Variants in SCN3A observed in about 807,000 individuals in gnomAD.
SCN3A encodes sodium channel protein type 3 subunit alpha.
SCN3A carries 60 observed loss-of-function variants against 187.6 expected under a neutral mutation model. The observed-to-expected ratio is 0.32, with a 90% CI of 0.26 to 0.40. The LOEUF (loss-of-function observed/expected upper bound fraction) is 0.40. Ranked by LOEUF, SCN3A falls within the 10% of genes least tolerant of loss-of-function variation. SCN3A has a pLI of 1.00. For synonymous variants in SCN3A, 788 were observed against 829.2 expected (o/e 0.95, Z 0.85); for missense variants, 1,601 against 2,428.2 (o/e 0.66, Z 7.16).
chr2:165,112,355 T>C (rs1686162985), intron 21 of SCN3A, among the ~76,000 whole-genome samples: 1 of 152,214 alleles, frequency 6.6e-6, no homozygotes, highest in African/African-American at 2.4e-5. Flanking sequence ...ATCTAACTAC[T>C]GATTTAAAAA....
At chr2:165,139,851 A>G in intron 13 of SCN3A, 1 of 488,064 alleles carries the variant, frequency 2.0e-6, no homozygotes, top group Non-Finnish European at 3.7e-6. Flanking sequence ...TATATTACAG[A>G]ACTATTTTAA....
intron 21 of SCN3A, among the ~76,000 whole-genome samples, chr2:165,106,826 C>T (rs75164336): frequency 6.6e-5 from 10 of 152,198 alleles, no homozygotes; most frequent in African/African-American, 9.6e-5. Flanking sequence ...GTAGGTCTTC[C>T]GAAAACATTT....
intron 9 of SCN3A, among the ~76,000 whole-genome samples, chr2:165,160,482 G>T (rs1689294463): frequency 6.6e-6 from 1 of 151,868 alleles, no homozygotes. Flanking sequence ...TTCATTAAGG[G>T]GAATAGATTA....
At chr2:165,158,194 A>ACTGATTCTACATTATGGTGAC (rs1257061176) in intron 9 of SCN3A, among the ~76,000 whole-genome samples, 5 of 93,424 alleles carry the variant, frequency 5.4e-5, no homozygotes, top group South Asian at 3.2e-4. Context: ...TGGTTTCAGG[A>ACTGATTCTACATTATGGTGAC]TTGTTAATCT....
chr2:165,153,014 G>T (rs1282611353), intron 11 of SCN3A, among the ~76,000 whole-genome samples: 1 of 121,182 alleles, frequency 8.3e-6, no homozygotes, highest in African/African-American at 3.1e-5. Context: ...AAAAAAAAAA[G>T]AACAAAAAGT....
At chr2:165,122,313 GATAGGCTGAAAATT>G (rs1686730872) in intron 18 of SCN3A, among the ~76,000 whole-genome samples, 1 of 143,746 alleles carries the variant, frequency 7.0e-6, no homozygotes. Context: ...ACATGAATTG[GATAGGCTGAAAATT>G]ATATTCATAG....
intron 2 of SCN3A, among the ~76,000 whole-genome samples, chr2:165,184,534 C>A (rs1367361622): frequency 7.0e-6 from 1 of 143,350 alleles, no homozygotes; most frequent in Non-Finnish European, 1.5e-5. Context: ...CCTAAGCCTG[C>A]AAAATGAGAA....
Position 165,092,616 on chromosome 2 carries a change from G to T in SCN3A, c.4537-92C>A. Reference sequence around the variant, plus strand: ...GTAGATAAAGCCCTTCCACATACGGGATGGATGTGCACCCTCCTCATATTA... The same window carrying T: ...GTAGATAAAGCCCTTCCACATACGGTATGGATGTGCACCCTCCTCATATTA... On this transcript the variant is annotated intron_variant, in intron 26 of 27. Transcript: ENST00000283254. The surrounding 1 kb of genome is among the most constrained non-coding windows in gnomAD (Gnocchi z 4.2). 8.5e-7 allele frequency: 1 copy of T among 1,170,662 alleles called. No individual in the cohort carries two copies. Among genetic ancestry groups the T allele is most frequent in the Non-Finnish European group, 1.3e-6 (1 of 795,616 alleles). The allele number at this position is 1,170,662 out of a possible 1,614,324, so 72.5% of individuals were successfully genotyped here.
chr2:165,097,179 A>G, intron 23 of SCN3A, 73 bp downstream of exon 23: 1 of 1,573,530 alleles, frequency 6.4e-7, no homozygotes, highest in Non-Finnish European at 8.7e-7. Context: ...CATTCAAACG[A>G]AGAACATCAG....
intron 1 of SCN3A, among the ~76,000 whole-genome samples, chr2:165,192,014 G>A (rs1235840041): frequency 1.3e-5 from 2 of 151,564 alleles, no homozygotes; most frequent in African/African-American, 4.9e-5. Flanking sequence ...TTTTATAATA[G>A]CAATGTCTAG....
rs945486162 is a variant in SCN3A, at chr2:165,090,475, G to A, written c.5678C>T (p.Thr1893Ile). Reference sequence around the variant, plus strand: ...CTCCTCTTGTTTACGTTTCAAAGTGGTTGTAATAGGCTCATAAGAGACTTT... The same window carrying A: ...CTCCTCTTGTTTACGTTTCAAAGTGATTGTAATAGGCTCATAAGAGACTTT... ...PSKVSYEPITTTLKRKQEEVS... is the reference protein window; with the variant it reads ...PSKVSYEPITITLKRKQEEVS... Residue 1893 changes from threonine (T) to isoleucine (I), a missense_variant, in exon 28 of 28, where the codon ACC becomes ATC. Physicochemically the swap from Thr to Ile is moderately conservative, Grantham distance 89 (BLOSUM62 -1). Around this residue, in one of 11 missense-constraint regions of SCN3A, gnomAD observed 110 missense variants for 175.9 expected, o/e 0.63. Coordinates refer to ENST00000283254, the MANE Select transcript of SCN3A (RefSeq NM_006922.4). This position sits in a 1 kb window ranked among gnomAD's most constrained non-coding sequence, Gnocchi z 4.0. 1.2e-6 allele frequency: 2 copies of A among 1,613,882 alleles called. No individual in the cohort carries two copies. Among genetic ancestry groups the A allele is most frequent in the Non-Finnish European group, 1.7e-6 (2 of 1,179,978 alleles).
chr2:165,089,983 T>C lies in SCN3A; in HGVS notation c.*167A>G. 1 of 856,696 alleles carries C rather than the reference T, an allele frequency of 1.2e-6. No individual in the cohort carries two copies. Among genetic ancestry groups the C allele is most frequent in the East Asian group, 2.7e-5 (1 of 37,356 alleles). The allele number at this position is 856,696 out of a possible 1,614,324, so 53.1% of individuals were successfully genotyped here. A position where few individuals can be genotyped will look rare whatever the true frequency, so the allele number is the denominator to read the frequency against. ...AATGTTGATACCCTGCTTCACAGAG[T>C]TGCAGTGACAGAGAGGTCACTTCAC... On this transcript the variant is annotated 3_prime_UTR_variant, in exon 28 of 28. Coordinates refer to ENST00000283254, the MANE Select transcript of SCN3A (RefSeq NM_006922.4).
At position 165,142,091 on chromosome 2, in the gene SCN3A, C is replaced by G. The variant is rs78969510; in HGVS notation, c.1672-1093G>C. Reference sequence around the variant, plus strand: ...CAGAATATTTGTTTTCTCCCCTCATCATGAACAATGGCATTCCTCCTTGCT... The same window carrying G: ...CAGAATATTTGTTTTCTCCCCTCATGATGAACAATGGCATTCCTCCTTGCT... On this transcript the variant is annotated intron_variant, in intron 12 of 27. Coordinates refer to ENST00000283254, the MANE Select transcript of SCN3A (RefSeq NM_006922.4). 6.5e-3 allele frequency among the ~76,000 whole-genome samples: 996 copies of G among 152,278 alleles called. 14 individuals carry two copies. Among genetic ancestry groups the G allele is most frequent in the African/African-American group, 0.022 (934 of 41,562 alleles).
At chr2:165,097,770 G>T (rs75463848) in intron 22 of SCN3A, among the ~76,000 whole-genome samples, 7 of 152,086 alleles carry the variant, frequency 4.6e-5, no homozygotes, top group Non-Finnish European at 8.8e-5. Context: ...TAAAAACCTG[G>T]TATAGTAAGA....
chr2:165,156,012 A>G (rs915363166), intron 9 of SCN3A, 109 bp from the exon 10 acceptor site: 3 of 1,343,946 alleles, frequency 2.2e-6, no homozygotes, highest in Admixed American at 1.8e-5. Context: ...GTGACGAATT[A>G]TCTTGCTTTA....
Position 165,095,400 on chromosome 2 carries a change from A to G in SCN3A, c.4431+111T>C, listed in dbSNP as rs140690026. The G allele has an allele frequency of 4.3e-6, 5 of 1,162,666 alleles. No homozygotes were observed. In the East Asian group the frequency reaches 1.2e-4, roughly 28 times the overall value. The allele number at this position is 1,162,666 out of a possible 1,614,324, so 72.0% of individuals were successfully genotyped here. On this transcript the variant is annotated intron_variant, in intron 25 of 27. Transcript: ENST00000283254. ...TAAATAACCACATGGGCAACTGAAA[A>G]TAATATAAACATGATTTAAGTCTGT...
intron 1 of SCN3A, among the ~76,000 whole-genome samples, chr2:165,191,447 A>G (rs1381595562): frequency 6.6e-6 from 1 of 152,120 alleles, no homozygotes; most frequent in Non-Finnish European, 1.5e-5. Context: ...CCTTTTGGTT[A>G]TCTAGTGGAA....
chr2:165,089,827 T>C lies in SCN3A; in HGVS notation c.*323A>G, dbSNP rs1448135904. 1 of 267,634 alleles carries C rather than the reference T, an allele frequency of 3.7e-6. No homozygotes were observed. The highest frequency in any genetic ancestry group is 2.2e-5 in the African/African-American group (1 of 44,756). 16.6% of individuals were successfully genotyped at this position (267,634 alleles called of 1,614,324 possible). A position where few individuals can be genotyped will look rare whatever the true frequency, so the allele number is the denominator to read the frequency against. Reference sequence around the variant, plus strand: ...ATATGGAAGTTAAAAATAGAATGGATGCAAGGACTGTACTAAAGGTGTTTG... The same window carrying C: ...ATATGGAAGTTAAAAATAGAATGGACGCAAGGACTGTACTAAAGGTGTTTG... On this transcript the variant is annotated 3_prime_UTR_variant, in exon 28 of 28. Transcript: ENST00000283254.
rs368790852 is a variant in SCN3A at position 165,089,549 on chromosome 2, T to C, written c.*601A>G. 7 of 153,308 alleles carry C rather than the reference T, an allele frequency of 4.6e-5. No individual in the cohort carries two copies. The highest frequency in any genetic ancestry group is 1.7e-4 in the African/African-American group (7 of 41,428). The allele number at this position is 153,308 out of a possible 1,614,324, so 9.5% of individuals were successfully genotyped here. On this transcript the variant is annotated 3_prime_UTR_variant, in exon 28 of 28. Coordinates refer to ENST00000283254, the MANE Select transcript of SCN3A (RefSeq NM_006922.4). ...AAACAAACATAACAGACTAAAATAC[T>C]TTCAAAATTAAAGCCATCTAGAAAA...
Sources: allele counts gnomAD v4.1 joint callset (sites outside exome capture counted in the v4.1 genomes callset), GRCh38; gene constraint gnomAD v4.1.1; regional missense constraint gnomAD v4.1.1; non-coding constraint Gnocchi (gnomAD v3.1); transcripts MANE v1.5; gene names NCBI Gene and HGNC (gene_info 2026-07-23, HGNC 2026-07-21).